The following LIME1 variants were observed in gnomAD, a reference collection of about 807,000 sequenced individuals.
LIME1 encodes the protein Lck interacting transmembrane adaptor 1, also known as lck-interacting transmembrane adapter 1.
LIME1 carries 23 observed loss-of-function variants against 18.8 expected under a neutral mutation model. That is an observed-to-expected ratio of 1.22 (90% CI 0.88 to 1.73). LIME1 has a LOEUF of 1.73. Ranked by LOEUF, LIME1 falls within the 40% of genes most tolerant of loss-of-function variation. LIME1 has a pLI of 0.00. For synonymous variants in LIME1, 177 were observed against 182.3 expected (o/e 0.97, Z 0.23); for missense variants, 423 against 396.8 (o/e 1.07, Z -0.56).
upstream of LIME1, chr20:63,736,552 G>A: frequency 3.3e-6 from 3 of 922,930 alleles, no homozygotes; most frequent in Non-Finnish European, 3.9e-6. Context: ...GCAGCAGGTG[G>A]GTGAGGCTGC....
In LIME1 at chr20:63,738,400, T is replaced by C. The variant is rs977468123; in HGVS notation, c.486T>C (p.Pro162=). The C allele has an allele frequency of 3.9e-6, 6 of 1,551,844 alleles. No homozygotes were observed. The highest frequency in any genetic ancestry group is 5.2e-6 in the Non-Finnish European group (6 of 1,149,114). The change falls in exon 5 of 6, where the codon CCT becomes CCC. Residue 162 remains proline, a synonymous_variant. Transcript: ENST00000309546. ...CCGGGGTCAGCCTGGCGGCCAGCCCTGTGGTGGCCGAGTATGCCCGCGTCC... is the reference window on the plus strand; with the variant it reads ...CCGGGGTCAGCCTGGCGGCCAGCCCCGTGGTGGCCGAGTATGCCCGCGTCC... The part of the protein sequence containing the change: ...ALPGVSLAAS[P]VVAEYARVQK...
At chr20:63,736,537 GGGGCGCAGCA>G (rs1318200715), upstream of LIME1, 1 of 829,838 alleles carries the variant, frequency 1.2e-6, no homozygotes, top group Non-Finnish European at 1.5e-6. Flanking sequence ...GGCTTCGGGC[GGGGCGCAGCA>G]GGTGGGTGAG....
intron 5 of LIME1, 26 bp downstream of exon 5, chr20:63,738,525 G>T: frequency 6.6e-7 from 1 of 1,508,938 alleles, no homozygotes. Flanking sequence ...GTAGGGCGCT[G>T]TGGGTGGGGC....
At position 63,738,073 on chromosome 20, in the gene LIME1, C is replaced by CGGGGGGGGG; in HGVS notation, c.268+17_268+18insGGGGGGGGG. The CGGGGGGGGG allele has an allele frequency of 7.0e-7, 1 of 1,425,104 alleles. No homozygotes were observed. The highest frequency in any genetic ancestry group is 1.4e-5 in the African/African-American group (1 of 70,666). The allele number at this position is 1,425,104 out of a possible 1,614,324, so 88.3% of individuals were successfully genotyped here. A position where few individuals can be genotyped will look rare whatever the true frequency, so the allele number is the denominator to read the frequency against. Reference sequence around the variant, plus strand: ...CGCAGCAGCAGGGGTGAGCAGAGGGCGGGGCGGGGGCGGCCGGGCGGGGCT... The same window carrying CGGGGGGGGG: ...CGCAGCAGCAGGGGTGAGCAGAGGGCGGGGGGGGGGGGGCGGGGGCGGCCGGGCGGGGCT... On this transcript the variant is annotated intron_variant, in intron 4 of 5. Transcript: ENST00000309546.
Position 63,737,647 on chromosome 20 carries a change from G to A in LIME1, c.98G>A (p.Arg33Lys). ...TGGGCGCTGTGCACAGCCTGCCGCA[G>A]GTAGGTCCCTCAGCCGCGTTCTGTC... is the stretch of plus-strand genomic sequence containing the variant. ...SLWALCTACR[R>K]PEDAVAPRKR... The change falls in exon 2 of 6, where the codon AGG becomes AAG. Residue 33 changes from arginine (R) to lysine (K), a missense_variant and splice_region_variant. Coordinates refer to ENST00000309546, the MANE Select transcript of LIME1 (RefSeq NM_017806.4). 1 of 1,583,428 alleles carries A rather than the reference G, an allele frequency of 6.3e-7. No individual in the cohort carries two copies. The highest frequency in any genetic ancestry group is 8.6e-7 in the Non-Finnish European group (1 of 1,167,496).
intron 1 of LIME1, 164 bp from the exon 2 acceptor site, chr20:63,737,367 ACC>A: frequency 1.5e-6 from 2 of 1,324,614 alleles, no homozygotes; most frequent in Admixed American, 3.8e-5. Flanking sequence ...GAAGGTGGGC[ACC>A]TCTGGGAGGG....
At chr20:63,737,739 C>T (rs1298610233) in intron 2 of LIME1, 82 bp from the exon 3 acceptor site, 8 of 1,415,950 alleles carry the variant, frequency 5.6e-6, no homozygotes, top group Non-Finnish European at 7.4e-6. Context: ...GTCCGCGCAC[C>T]CAGCTCGGCA....
rs1357778956 is a variant in LIME1, at chr20:63,737,665, G to A, written c.98+18G>A. On this transcript the variant is annotated intron_variant, in intron 2 of 5. Coordinates refer to ENST00000309546, the MANE Select transcript of LIME1 (RefSeq NM_017806.4). ...TGCCGCAGGTAGGTCCCTCAGCCGC[G>A]TTCTGTCTGGGGCCTCGCTGCGGCT... is the stretch of plus-strand genomic sequence containing the variant. The A allele has an allele frequency of 2.6e-6, 4 of 1,557,032 alleles. No individual in the cohort carries two copies. The highest frequency in any genetic ancestry group is 2.4e-5 in the East Asian group (1 of 41,582).
At position 63,738,455 on chromosome 20, in the gene LIME1, C is replaced by T. The variant is rs758625007; in HGVS notation, c.541C>T (p.Gln181Ter). The T allele has an allele frequency of 1.3e-6, 2 of 1,531,000 alleles. No individual in the cohort carries two copies. The highest frequency in any genetic ancestry group is 2.3e-5 in the East Asian group (1 of 43,734). 94.8% of individuals were successfully genotyped at this position (1,531,000 alleles called of 1,614,324 possible). A position where few individuals can be genotyped will look rare whatever the true frequency, so the allele number is the denominator to read the frequency against. The change falls in exon 5 of 6, where the codon CAA becomes TAA. Residue 181 changes from glutamine to a stop codon, truncating the protein, a stop_gained. Transcript: ENST00000309546. LOFTEE classifies it low-confidence loss of function (END_TRUNC). ...QKRKGTHRSP[Q>*]EPQQGKTEVT... ...GCGCAAAGGGACCCATCGCAGTCCCCAAGAGCCACAGCAGGGGAAGACTGA... is the reference window on the plus strand; with the variant it reads ...GCGCAAAGGGACCCATCGCAGTCCCTAAGAGCCACAGCAGGGGAAGACTGA...
chr20:63,737,009 C>T (rs886622272), intron 1 of LIME1: 16 of 986,050 alleles, frequency 1.6e-5, no homozygotes, highest in African/African-American at 5.2e-5. Flanking sequence ...ATCAGCACCC[C>T]CAGCAGCTGC....
rs1469789089 is a variant in LIME1 at position 63,738,209 on chromosome 20, C to G, written c.295C>G (p.Leu99Val). 17 of 1,588,252 alleles carry G rather than the reference C, an allele frequency of 1.1e-5. No homozygotes were observed. The highest frequency in any genetic ancestry group is 1.4e-5 in the Non-Finnish European group (16 of 1,172,600). ...RALRPASMDL[L>V]RPHWLEVSRD... The stretch of plus-strand genomic sequence containing the variant: ...CCTGCGGCCTGCCAGCATGGATCTC[C>G]TGCGCCCACACTGGCTGGAGGTGTC... The change falls in exon 5 of 6, where the codon CTG becomes GTG. Residue 99 changes from leucine to valine, a missense_variant. Physicochemically the swap from Leu to Val is conservative, Grantham distance 32. Transcript: ENST00000309546.
intron 1 of LIME1, chr20:63,737,301 G>A: frequency 7.9e-7 from 1 of 1,261,668 alleles, no homozygotes; most frequent in East Asian, 3.3e-5. Context: ...CACCCGCAGG[G>A]ACACGGAGGG....
chr20:63,736,794 C>G (rs1280191368), intron 1 of LIME1, 82 bp downstream of exon 1: 1 of 984,148 alleles, frequency 1.0e-6, no homozygotes, highest in African/African-American at 1.8e-5. Flanking sequence ...CAGGCTGAAG[C>G]CCACTCCCTG....
At chr20:63,737,695 T>C in intron 2 of LIME1, 48 bp downstream of exon 2, 2 of 1,496,846 alleles carry the variant, frequency 1.3e-6, no homozygotes, top group African/African-American at 2.8e-5. Flanking sequence ...GCGGCTGCCA[T>C]TCACAGCCCA....
Position 63,738,672 on chromosome 20 carries a change from C to T in LIME1, c.660C>T (p.Pro220=). 1 of 1,612,376 alleles carries T rather than the reference C, an allele frequency of 6.2e-7. No homozygotes were observed. Among genetic ancestry groups the T allele is most frequent in the Non-Finnish European group, 8.5e-7 (1 of 1,179,568 alleles). The change falls in exon 6 of 6, where the codon CCC becomes CCT. Residue 220 remains proline, a synonymous_variant. Coordinates refer to ENST00000309546, the MANE Select transcript of LIME1 (RefSeq NM_017806.4). ...DPGPTTDPLD[P]KGQGAILALA... ...GACCCACCACAGACCCGCTGGACCC[C>T]AAGGGCCAGGGAGCGATTCTGGCCC...
chr20:63,738,512 AG>A lies in LIME1; in HGVS notation c.585+16del, dbSNP rs1270844180. The A allele has an allele frequency of 1.3e-6, 2 of 1,510,150 alleles. No homozygotes were observed. The highest frequency in any genetic ancestry group is 1.4e-5 in the African/African-American group (1 of 71,884). The allele number at this position is 1,510,150 out of a possible 1,614,324, so 93.5% of individuals were successfully genotyped here. A position where few individuals can be genotyped will look rare whatever the true frequency, so the allele number is the denominator to read the frequency against. On this transcript the variant is annotated intron_variant, in intron 5 of 5. Transcript: ENST00000309546. ...CCCGGCCGCTCAGGTAACGTGGGCC[AG>A]GGTAGGGCGCTGTGGGTGGGGCCGG... is the stretch of plus-strand genomic sequence containing the variant.
In LIME1 at chr20:63,738,956, CCGCCT is replaced by C. The variant is rs2092025551; in HGVS notation, c.*58_*62del. Reference sequence around the variant, plus strand: ...AGTGAGGCCCGTCCCCCGCCCCGCCCCGCCTCACAGCTGACAGCGCCAGTCCCAGG... The same window carrying C: ...AGTGAGGCCCGTCCCCCGCCCCGCCCCACAGCTGACAGCGCCAGTCCCAGG... On this transcript the variant is annotated 3_prime_UTR_variant, in exon 6 of 6. Transcript: ENST00000309546. 8 of 1,417,140 alleles carry C rather than the reference CCGCCT, an allele frequency of 5.6e-6. No homozygotes were observed. The Admixed American group carries it at 1.6e-4, about 28-fold the overall frequency. 87.8% of individuals were successfully genotyped at this position (1,417,140 alleles called of 1,614,324 possible).
At chr20:63,738,549 G>A (rs1305277393) in intron 5 of LIME1, 49 bp from the exon 6 acceptor site, 1 of 1,514,814 alleles carries the variant, frequency 6.6e-7, no homozygotes, top group Non-Finnish European at 8.8e-7. Flanking sequence ...CAGATCCTCA[G>A]CAGGTTGGAT....
At chr20:63,736,841 C>T (rs1423920332) in intron 1 of LIME1, 129 bp downstream of exon 1, 3 of 986,590 alleles carry the variant, frequency 3.0e-6, no homozygotes, top group Non-Finnish European at 3.6e-6. Context: ...CAGAGACCAC[C>T]CCTCACCCCC....
Sources: allele counts gnomAD v4.1 joint callset, GRCh38; gene constraint gnomAD v4.1.1; transcripts MANE v1.5; gene names NCBI Gene and HGNC (gene_info 2026-07-23, HGNC 2026-07-21).